Variants in ADAMTS16 observed in about 807,000 individuals in gnomAD.
ADAMTS16 encodes ADAM metallopeptidase with thrombospondin type 1 motif 16.
Under a neutral mutation model 145.8 loss-of-function variants are expected in ADAMTS16, and 94 were observed. The ratio of observed to expected loss-of-function variants is 0.64; its 90% confidence interval spans 0.55 to 0.77. The LOEUF is 0.77. ADAMTS16 is among the 30% of genes least tolerant of loss of function. The pLI, the probability that ADAMTS16 is intolerant of heterozygous loss-of-function variation, is 0.00. For synonymous variants in ADAMTS16, 659 were observed against 604.3 expected, an observed-to-expected ratio of 1.09 and a Z score of -1.33; for missense variants, 1,585 against 1,591.5, an observed-to-expected ratio of 1.00 and a Z score of 0.07.
intron 18 of ADAMTS16, among the ~76,000 whole-genome samples, chr5:5,296,849 C>A (rs1055273085): frequency 6.6e-6 from 1 of 152,184 alleles, no homozygotes; most frequent in Non-Finnish European, 1.5e-5. Context: ...GTTAGGTTGC[C>A]TACCCGTGTG....
chr5:5,158,824 G>A lies in ADAMTS16; in HGVS notation c.501+12369G>A, dbSNP rs146990480. Among the ~76,000 whole-genome samples, 189 of 152,322 alleles carry A rather than the reference G, an allele frequency of 1.2e-3. 3 individuals are homozygous for A. In the South Asian group the frequency reaches 0.019, roughly 15 times the overall value. On this transcript the variant is annotated intron_variant, in intron 3 of 22. Coordinates refer to ENST00000274181, the MANE Select transcript of ADAMTS16 (RefSeq NM_139056.4). ...CTTTTGTATCTACCGCTTAAGCATA[G>A]AGAAGTTGTAATTTCTGTGCTTCAG... is the stretch of plus-strand genomic sequence containing the variant.
rs772389087 is a variant in ADAMTS16 at position 5,239,801 on chromosome 5, A to G, written c.2399A>G (p.His800Arg). 1 of 1,614,154 alleles carries G rather than the reference A, an allele frequency of 6.2e-7. No homozygotes were observed. Among genetic ancestry groups the G allele is most frequent in the Admixed American group, 1.7e-5 (1 of 60,034 alleles). Residue 800 changes from histidine to arginine, a missense_variant, in exon 16 of 23, where the codon CAC (histidine) becomes CGC (arginine). Transcript: ENST00000274181. ...NALRRYYLNGHWTVDWPGRYK... is the reference protein window; with the variant it reads ...NALRRYYLNGRWTVDWPGRYK... ...CTCAGAAGGTACTACCTGAATGGGC[A>G]CTGGACCGTGGACTGGCCCGGCCGG...
intron 18 of ADAMTS16, among the ~76,000 whole-genome samples, chr5:5,282,019 G>T (rs1275067290): frequency 1.4e-5 from 1 of 69,574 alleles, no homozygotes; most frequent in Non-Finnish European, 3.3e-5. Context: ...TAATGCATTG[G>T]TTTGCTCAGA....
At chr5:5,167,980 G>T (rs1373929266) in intron 3 of ADAMTS16, among the ~76,000 whole-genome samples, 1 of 152,158 alleles carries the variant, frequency 6.6e-6, no homozygotes, top group Non-Finnish European at 1.5e-5. Flanking sequence ...AGCCACATGT[G>T]GCTCATGTCT....
chr5:5,287,797 G>A (rs1418621094), intron 18 of ADAMTS16, among the ~76,000 whole-genome samples: 6 of 152,154 alleles, frequency 3.9e-5, no homozygotes, highest in African/African-American at 1.4e-4. Context: ...CGTCACTGAA[G>A]ACTTTACATA....
intron 11 of ADAMTS16, among the ~76,000 whole-genome samples, chr5:5,226,067 A>G (rs1736757658): frequency 6.6e-6 from 1 of 152,122 alleles, no homozygotes; most frequent in Non-Finnish European, 1.5e-5. Flanking sequence ...GCATCTCTCT[A>G]TTTAGAATCA....
chr5:5,165,267 C>T (rs1474321196), intron 3 of ADAMTS16, among the ~76,000 whole-genome samples: 1 of 152,146 alleles, frequency 6.6e-6, no homozygotes, highest in African/African-American at 2.4e-5. Context: ...CATGTTGTGT[C>T]TATCAGTACT....
intron 8 of ADAMTS16, among the ~76,000 whole-genome samples, chr5:5,194,815 T>A (rs561458088): frequency 2.0e-5 from 3 of 152,346 alleles, no homozygotes; most frequent in South Asian, 2.1e-4. Flanking sequence ...TTGAGTTCTG[T>A]ACGTCAAGAA....
At chr5:5,315,420 A>G (rs573229593) in intron 21 of ADAMTS16, among the ~76,000 whole-genome samples, 2 of 149,684 alleles carry the variant, frequency 1.3e-5, no homozygotes, top group East Asian at 3.9e-4. Context: ...CAAACCACAT[A>G]TTAATTATTT....
In ADAMTS16 at chr5:5,191,626, A is replaced by G. The variant is rs72647749; in HGVS notation, c.1208-59A>G. ...TCACTAAGGGGTAGAAAATAAATATACTATGCTTTATTTTATTACAACACC... is the reference window on the plus strand; with the variant it reads ...TCACTAAGGGGTAGAAAATAAATATGCTATGCTTTATTTTATTACAACACC... On this transcript the variant is annotated intron_variant, in intron 7 of 22. Coordinates refer to ENST00000274181, the MANE Select transcript of ADAMTS16 (RefSeq NM_139056.4). 581 of 1,360,118 alleles carry G rather than the reference A, an allele frequency of 4.3e-4. No individual in the cohort carries two copies. In the Middle Eastern group the frequency reaches 8.0e-3, roughly 19 times the overall value. The allele number at this position is 1,360,118 out of a possible 1,614,324, so 84.3% of individuals were successfully genotyped here.
chr5:5,213,076 C>G (rs1396151622), intron 10 of ADAMTS16, among the ~76,000 whole-genome samples: 1 of 152,190 alleles, frequency 6.6e-6, no homozygotes, highest in Non-Finnish European at 1.5e-5. Context: ...CCATGCATCC[C>G]TCTTCCTTGC....
At chr5:5,189,730 A>G (rs980344090) in intron 6 of ADAMTS16, among the ~76,000 whole-genome samples, 1 of 152,252 alleles carries the variant, frequency 6.6e-6, no homozygotes. Context: ...ACATGCATTC[A>G]GGATCAGCCA....
At position 5,320,086 on chromosome 5, in the gene ADAMTS16, C is replaced by T. The variant is rs1561011331; in HGVS notation, c.*948C>T. 5.2e-5 allele frequency: 14 copies of T among 270,224 alleles called. No homozygotes were observed. Among genetic ancestry groups the T allele is most frequent in the Middle Eastern group, 1.4e-3 (1 of 714 alleles). The allele number at this position is 270,224 out of a possible 1,614,324, so 16.7% of individuals were successfully genotyped here. On this transcript the variant is annotated 3_prime_UTR_variant, in exon 23 of 23. Transcript: ENST00000274181. The surrounding 1 kb of genome is among the most constrained non-coding windows in gnomAD (Gnocchi z 5.1). ...TTTTTGTGTGTTGTGAGATTTTAAT[C>T]TTTTTTTTTTCGGTGAGTCTGGCCA... is the stretch of plus-strand genomic sequence containing the variant.
intron 17 of ADAMTS16, among the ~76,000 whole-genome samples, chr5:5,260,374 T>G (rs1446499103): frequency 6.6e-6 from 1 of 152,246 alleles, no homozygotes; most frequent in African/African-American, 2.4e-5. Flanking sequence ...AAAATAATTT[T>G]CTTACATTTC....
chr5:5,144,440 T>C lies in ADAMTS16; in HGVS notation c.176-1690T>C, dbSNP rs137958835. Among the ~76,000 whole-genome samples the C allele has an allele frequency of 5.7e-4, 87 of 152,368 alleles. 1 individual carries two copies. The East Asian group carries it at 0.016, about 29-fold the overall frequency. ...TCTTTTAGAGTATATTTTTACAAGC[T>C]TTAAGGTATTCCTTTCTATAGCTTT... On this transcript the variant is annotated intron_variant, in intron 2 of 22. Coordinates refer to ENST00000274181, the MANE Select transcript of ADAMTS16 (RefSeq NM_139056.4).
chr5:5,244,877 G>T (rs1187649742), intron 17 of ADAMTS16, among the ~76,000 whole-genome samples: 1 of 152,178 alleles, frequency 6.6e-6, no homozygotes, highest in Admixed American at 6.5e-5. Context: ...CAGGGTGAAG[G>T]CTGATCTTCT....
chr5:5,226,098 A>G (rs2913615), intron 11 of ADAMTS16, among the ~76,000 whole-genome samples: 65,245 of 151,974 alleles, frequency 0.43, 15,314 homozygotes, highest in African/African-American at 0.61. Flanking sequence ...CGGTTTTTGC[A>G]CGACTCAGTT....
At chr5:5,244,407 G>T (rs887472697) in intron 17 of ADAMTS16, among the ~76,000 whole-genome samples, 4 of 152,142 alleles carry the variant, frequency 2.6e-5, no homozygotes, top group Non-Finnish European at 5.9e-5. Context: ...ATATTATCTT[G>T]TCAAAACCTT....
intron 18 of ADAMTS16, among the ~76,000 whole-genome samples, chr5:5,265,267 G>A (rs187329358): frequency 1.7e-4 from 26 of 152,332 alleles, no homozygotes; most frequent in African/African-American, 6.3e-4. Context: ...TGCTGCAATA[G>A]GGAAAAGATT....
Sources: gnomAD v4.1 joint callset for allele counts (sites outside exome capture counted in the v4.1 genomes callset) on GRCh38, gnomAD v4.1.1 for gene constraint, Gnocchi (gnomAD v3.1) non-coding constraint, MANE v1.5 for transcripts, NCBI Gene and HGNC (gene_info 2026-07-23, HGNC 2026-07-21) for gene names.